Variants in ABLIM2 observed in about 807,000 individuals in gnomAD.
ABLIM2 encodes the protein actin-binding LIM protein 2.
A neutral mutation model predicts 97.7 loss-of-function variants in ABLIM2; 53 were observed. That is an observed-to-expected ratio of 0.54 (90% confidence interval 0.44 to 0.68). The LOEUF is 0.68. Among genes scored for constraint, ABLIM2 ranks in the 30% least tolerant of loss-of-function variants. The pLI is 0.00. For missense variants in ABLIM2, 835 were observed against 867.2 expected (o/e 0.96, Z 0.47); for synonymous variants, 361 against 345.8 (o/e 1.04, Z -0.49).
chr4:8,096,291 G>A (rs147675327), intron 3 of ABLIM2, among the ~76,000 whole-genome samples: 3 of 152,180 alleles, frequency 2.0e-5, no homozygotes, highest in Non-Finnish European at 2.9e-5. Flanking sequence ...ACTCCAATGC[G>A]ACCAGGGCTG....
chr4:8,032,767 G>T lies in ABLIM2; in HGVS notation c.1048-2991C>A. 7.1e-7 allele frequency: 1 copy of T among 1,403,376 alleles called. No homozygotes were observed. The highest frequency in any genetic ancestry group is 1.0e-6 in the Non-Finnish European group (1 of 993,072). The allele number at this position is 1,403,376 out of a possible 1,614,324, so 86.9% of individuals were successfully genotyped here. On this transcript the variant is annotated intron_variant, in intron 10 of 20. Transcript: ENST00000447017. The surrounding 1 kb of genome is among the most constrained non-coding windows in gnomAD (Gnocchi z 4.3). ...AGTTCCGTGACTGGCAGGCAACACA[G>T]GCGCAAACACCCACACAGAGCCCTG...
intron 20 of ABLIM2, 87 bp from the exon 21 acceptor site, chr4:7,967,190 AG>A: frequency 8.9e-7 from 1 of 1,117,358 alleles, no homozygotes; most frequent in Non-Finnish European, 1.3e-6. Flanking sequence ...CAAGCAATCC[AG>A]GGGCAGGATT....
intron 1 of ABLIM2, among the ~76,000 whole-genome samples, chr4:8,133,961 G>A (rs750295718): frequency 1.6e-4 from 24 of 152,070 alleles, no homozygotes; most frequent in Non-Finnish European, 3.1e-4. Flanking sequence ...TGGGGGTCTC[G>A]TCATGCATGA....
intron 14 of ABLIM2, chr4:8,010,308 G>A (rs1405700622): frequency 4.3e-6 from 4 of 937,472 alleles, no homozygotes; most frequent in East Asian, 1.2e-4. Flanking sequence ...CCCACACCTT[G>A]TGTATCCCTT....
rs1178311490 is a variant in ABLIM2 at position 8,120,760 on chromosome 4, T to C, written c.11-14123A>G. Reference sequence around the variant, plus strand: ...CTCGTGACATCACTAAGTTGAGACTTCACTGACTTCACCTAACCTAGCGAC... The same window carrying C: ...CTCGTGACATCACTAAGTTGAGACTCCACTGACTTCACCTAACCTAGCGAC... On this transcript the variant is annotated intron_variant, in intron 1 of 20. Coordinates refer to ENST00000447017, the MANE Select transcript of ABLIM2 (RefSeq NM_001130083.2). The surrounding 1 kb of genome is among the most constrained non-coding windows in gnomAD (Gnocchi z 5.6). 6.6e-6 allele frequency among the ~76,000 whole-genome samples: 1 copy of C among 152,174 alleles called. No homozygotes were observed. Among genetic ancestry groups the C allele is most frequent in the Non-Finnish European group, 1.5e-5 (1 of 68,034 alleles).
rs893854594 is a variant in ABLIM2 at position 8,125,554 on chromosome 4, G to A, written c.11-18917C>T. 6.6e-6 allele frequency among the ~76,000 whole-genome samples: 1 copy of A among 152,164 alleles called. No homozygotes were observed. Among genetic ancestry groups the A allele is most frequent in the African/African-American group, 2.4e-5 (1 of 41,446 alleles). On this transcript the variant is annotated intron_variant, in intron 1 of 20. Coordinates refer to ENST00000447017, the MANE Select transcript of ABLIM2 (RefSeq NM_001130083.2). This position sits in a 1 kb window ranked among gnomAD's most constrained non-coding sequence, Gnocchi z 6.2. The stretch of plus-strand genomic sequence containing the variant: ...ACGGTCTGGTCCATCTACCACAGTC[G>A]ATCTGCAGTGCTGATGGCCACAGGT...
intron 14 of ABLIM2, among the ~76,000 whole-genome samples, chr4:8,014,541 G>A (rs1327518942): frequency 6.6e-6 from 1 of 152,214 alleles, no homozygotes; most frequent in Non-Finnish European, 1.5e-5. Flanking sequence ...CATGGGCGTT[G>A]GAAACTAGAA....
At chr4:8,097,941 C>T (rs1316348) in intron 2 of ABLIM2, among the ~76,000 whole-genome samples, 7 of 152,148 alleles carry the variant, frequency 4.6e-5, no homozygotes, top group African/African-American at 1.7e-4. Flanking sequence ...AACACACACC[C>T]GGCCCAGGAA....
intron 12 of ABLIM2, among the ~76,000 whole-genome samples, chr4:8,024,337 G>A (rs1475419648): frequency 2.0e-5 from 3 of 152,134 alleles, no homozygotes; most frequent in African/African-American, 4.8e-5. Context: ...GCCCATGGCT[G>A]TGGCCAGCAC....
intron 8 of ABLIM2, among the ~76,000 whole-genome samples, chr4:8,053,607 C>T (rs185258851): frequency 1.1e-4 from 17 of 152,296 alleles, no homozygotes; most frequent in African/African-American, 4.1e-4. Flanking sequence ...GAGAGAAAAG[C>T]TCAGCAGGCC....
intron 11 of ABLIM2, 29 bp downstream of exon 11, chr4:8,029,627 G>T: frequency 6.8e-7 from 1 of 1,473,192 alleles, no homozygotes; most frequent in South Asian, 1.4e-5. Flanking sequence ...AGCATCCTGG[G>T]GGCTCAGAGG....
At chr4:8,047,153 C>G (rs1793017779) in intron 8 of ABLIM2, among the ~76,000 whole-genome samples, 1 of 152,340 alleles carries the variant, frequency 6.6e-6, no homozygotes, top group East Asian at 1.9e-4. Flanking sequence ...GAGGACAACC[C>G]TGTGCGGCAT....
intron 15 of ABLIM2, 26 bp downstream of exon 15, chr4:8,009,024 C>T (rs1217967115): frequency 6.2e-7 from 1 of 1,613,352 alleles, no homozygotes; most frequent in Non-Finnish European, 8.5e-7. Context: ...AGGCTGTTCT[C>T]AGCCAGATCT....
At position 8,106,488 on chromosome 4, in the gene ABLIM2, ACT is replaced by A; in HGVS notation, c.154+4_154+5del. ...GCCACACTGCAGGGGACCGGGGGAC[ACT>A]CACCTTTACAGACGAAGCACTTGAT... On this transcript the variant is annotated splice_donor_5th_base_variant and intron_variant, in intron 2 of 20. Transcript: ENST00000447017. The A allele has an allele frequency of 6.3e-7, 1 of 1,590,430 alleles. No individual in the cohort carries two copies. The highest frequency in any genetic ancestry group is 2.3e-5 in the East Asian group (1 of 43,654).
chr4:8,078,742 T>C (rs1336425124), intron 5 of ABLIM2, among the ~76,000 whole-genome samples: 1 of 152,130 alleles, frequency 6.6e-6, no homozygotes, highest in Non-Finnish European at 1.5e-5. Flanking sequence ...AACTGCATAA[T>C]GGGGGAAATA....
intron 1 of ABLIM2, among the ~76,000 whole-genome samples, chr4:8,109,007 T>C (rs1237275381): frequency 6.6e-6 from 1 of 152,192 alleles, no homozygotes; most frequent in Non-Finnish European, 1.5e-5. Context: ...GTTGTTGAGC[T>C]GCTCCCCATG....
chr4:7,970,384 C>T lies in ABLIM2; in HGVS notation c.1825-3281G>A, dbSNP rs540699334. On this transcript the variant is annotated intron_variant, in intron 20 of 20. Coordinates refer to ENST00000447017, the MANE Select transcript of ABLIM2 (RefSeq NM_001130083.2). This position sits in a 1 kb window ranked among gnomAD's most constrained non-coding sequence, Gnocchi z 5.3. Reference sequence around the variant, plus strand: ...AAGGGGGTGGTGTGCCCCCTGCCATCTGCAATCGTGTACTTAAAGGGAGGA... The same window carrying T: ...AAGGGGGTGGTGTGCCCCCTGCCATTTGCAATCGTGTACTTAAAGGGAGGA... Among the ~76,000 whole-genome samples, 1 of 152,124 alleles carries T rather than the reference C, an allele frequency of 6.6e-6. No homozygotes were observed. The highest frequency in any genetic ancestry group is 1.5e-5 in the Non-Finnish European group (1 of 68,004).
At chr4:7,984,030 C>T (rs35656451) in intron 18 of ABLIM2, among the ~76,000 whole-genome samples, 1 of 151,646 alleles carries the variant, frequency 6.6e-6, no homozygotes, top group Admixed American at 6.5e-5. Flanking sequence ...TGAGCTCTGC[C>T]CCCTAATGTC....
intron 8 of ABLIM2, among the ~76,000 whole-genome samples, chr4:8,053,180 T>G (rs1797094670): frequency 6.6e-6 from 1 of 152,202 alleles, no homozygotes; most frequent in South Asian, 2.1e-4. Flanking sequence ...CTGAGATAAG[T>G]GCAGATCTGA....
Sources: gnomAD v4.1 joint callset for allele counts (sites outside exome capture counted in the v4.1 genomes callset) on GRCh38, gnomAD v4.1.1 for gene constraint, Gnocchi (gnomAD v3.1) non-coding constraint, MANE v1.5 for transcripts, NCBI Gene and HGNC (gene_info 2026-07-23, HGNC 2026-07-21) for gene names.